Variants in ANK2 observed in about 807,000 individuals in gnomAD.
ANK2 encodes ankyrin-2.
ANK2 carries 83 observed loss-of-function variants against 360.5 expected under a neutral mutation model. The observed-to-expected ratio is 0.23, with a 90% CI of 0.19 to 0.28. The LOEUF is 0.28. Among genes scored for constraint, ANK2 ranks in the 10% least tolerant of loss-of-function variants. ANK2 has a pLI of 1.00. For synonymous variants in ANK2, 1,740 were observed against 1,759.5 expected, an observed-to-expected ratio of 0.99 and a Z score of 0.28; for missense variants, 4,201 against 4,795.7, an observed-to-expected ratio of 0.88 and a Z score of 3.66.
intron 42 of ANK2, 41 bp downstream of exon 42, chr4:113,367,892 A>G (rs1209679251): frequency 6.2e-7 from 1 of 1,610,988 alleles, no homozygotes; most frequent in Non-Finnish European, 8.5e-7. Context: ...AATACCAAAG[A>G]AACAGGCTAT....
chr4:113,234,802 T>A (rs149141794), intron 5 of ANK2, among the ~76,000 whole-genome samples: 199 of 152,366 alleles, frequency 1.3e-3, no homozygotes, highest in Non-Finnish European at 2.4e-3. Flanking sequence ...TTGAAGTTTT[T>A]AAATTTCCCA....
chr4:112,834,864 G>A (rs1370390774), intron 1 of ANK2, among the ~76,000 whole-genome samples: 1 of 152,176 alleles, frequency 6.6e-6, no homozygotes, highest in African/African-American at 2.4e-5. Flanking sequence ...TTGAGAAACT[G>A]GCTCATCTAT....
rs138330797 is a variant in ANK2 at position 113,140,703 on chromosome 4, G to T, written c.85-33713G>T. Among the ~76,000 whole-genome samples, 52 of 152,208 alleles carry T rather than the reference G, an allele frequency of 3.4e-4. No individual in the cohort carries two copies. The East Asian group carries it at 5.2e-3, about 15-fold the overall frequency. The stretch of plus-strand genomic sequence containing the variant: ...CTTTAAGAATAAATTAATCGGCCGG[G>T]CCCAGTGGCTCACACTTGTAACCCT... On this transcript the variant is annotated intron_variant, in intron 1 of 45. Transcript: ENST00000357077.
At chr4:113,320,748 C>T (rs1404213284) in intron 26 of ANK2, among the ~76,000 whole-genome samples, 2 of 152,114 alleles carry the variant, frequency 1.3e-5, no homozygotes, top group Non-Finnish European at 2.9e-5. Context: ...TGTCTACAAG[C>T]GCCAATAGTA....
intron 1 of ANK2, among the ~76,000 whole-genome samples, chr4:112,818,956 AG>A (rs1475396145): frequency 2.0e-5 from 3 of 152,196 alleles, no homozygotes; most frequent in African/African-American, 7.2e-5. Context: ...GAAATGTAAC[AG>A]ATACAGATTT....
rs751762024 is a variant in ANK2, at chr4:113,288,496, T to C, written c.2277+10T>C. ...TAACGCAAAAACCAAGGTAAAGTAC[T>C]TGTGGTCATTTTCAATTCCTATAAG... is the stretch of plus-strand genomic sequence containing the variant. On this transcript the variant is annotated intron_variant, in intron 20 of 45. Transcript: ENST00000357077. 1 of 1,608,098 alleles carries C rather than the reference T, an allele frequency of 6.2e-7. No individual in the cohort carries two copies. Among genetic ancestry groups the C allele is most frequent in the African/African-American group, 1.3e-5 (1 of 74,902 alleles).
the ANK2 span, among the ~76,000 whole-genome samples, chr4:112,773,139 A>C: frequency 2.0e-5 from 3 of 152,122 alleles, no homozygotes; most frequent in Admixed American, 6.6e-5. Context: ...GCAACATGGC[A>C]AAACCCCATC....
upstream of ANK2, among the ~76,000 whole-genome samples, chr4:112,814,031 T>C (rs766607308): frequency 2.0e-5 from 3 of 152,152 alleles, no homozygotes; most frequent in Non-Finnish European, 4.4e-5. Context: ...TTAGCTTGCA[T>C]AAAGGAAACA....
At chr4:113,121,722 A>T (rs13101559) in intron 1 of ANK2, among the ~76,000 whole-genome samples, 101,461 of 151,862 alleles carry the variant, frequency 0.67, 34,133 homozygotes, top group Non-Finnish European at 0.68. Context: ...GTAGAAAATT[A>T]AAAAAAAGCC....
chr4:112,845,438 G>T (rs11731160), intron 1 of ANK2, among the ~76,000 whole-genome samples: 45,377 of 151,830 alleles, frequency 0.3, 6,908 homozygotes, highest in East Asian at 0.35. Context: ...TCCTTAGGTT[G>T]CAATTTAAGC....
At chr4:112,813,254 C>CAAAA (rs1308553677), upstream of ANK2, among the ~76,000 whole-genome samples, 1 of 127,664 alleles carries the variant, frequency 7.8e-6, no homozygotes. Context: ...AAAAAAAAAT[C>CAAAA]AAAAAAAAAA....
At chr4:113,075,248 G>A (rs890244746) in intron 1 of ANK2, among the ~76,000 whole-genome samples, 4 of 152,152 alleles carry the variant, frequency 2.6e-5, no homozygotes, top group Admixed American at 6.5e-5. Context: ...GACTGTGAAC[G>A]ATGAATAGTG....
chr4:112,776,278 G>A, the ANK2 span, among the ~76,000 whole-genome samples: 4 of 152,272 alleles, frequency 2.6e-5, no homozygotes, highest in South Asian at 2.1e-4. Context: ...GAGAATTCTC[G>A]TATAGAAGTG....
chr4:113,134,318 A>G (rs1190085250), intron 1 of ANK2, among the ~76,000 whole-genome samples: 1 of 136,104 alleles, frequency 7.3e-6, no homozygotes, highest in East Asian at 2.2e-4. Context: ...CACTGCAACC[A>G]CAGAGAGAAC....
chr4:112,937,369 C>A (rs1330079467), intron 2 of ANK2, among the ~76,000 whole-genome samples: 1 of 150,886 alleles, frequency 6.6e-6, no homozygotes, highest in East Asian at 1.9e-4. Context: ...CTTTCTCCAC[C>A]AGGCTGGAGT....
At chr4:113,157,777 A>G (rs1407077167) in intron 1 of ANK2, among the ~76,000 whole-genome samples, 1 of 152,208 alleles carries the variant, frequency 6.6e-6, no homozygotes, top group Non-Finnish European at 1.5e-5. Flanking sequence ...GGAAGTAGTA[A>G]TGAATGGTGG....
At chr4:112,874,745 T>C (rs1244046096) in intron 1 of ANK2, among the ~76,000 whole-genome samples, 1 of 151,808 alleles carries the variant, frequency 6.6e-6, no homozygotes, top group Non-Finnish European at 1.5e-5. Context: ...GGATAAAAAT[T>C]CAACTCAGAA....
intron 1 of ANK2, among the ~76,000 whole-genome samples, chr4:113,166,625 G>A (rs141761225): frequency 1.8e-4 from 28 of 151,568 alleles, no homozygotes; most frequent in Non-Finnish European, 3.4e-4. Context: ...CTTTTTGGTA[G>A]TAATTCTCAT....
At chr4:113,239,262 A>G (rs1264616304) in intron 7 of ANK2, among the ~76,000 whole-genome samples, 3 of 152,130 alleles carry the variant, frequency 2.0e-5, no homozygotes, top group Non-Finnish European at 4.4e-5. Flanking sequence ...GTAAGAAATT[A>G]TTTGTATCTA....
Sources: gnomAD v4.1 joint callset for allele counts (sites outside exome capture counted in the v4.1 genomes callset) on GRCh38, gnomAD v4.1.1 for gene constraint, MANE v1.5 for transcripts, NCBI Gene and HGNC (gene_info 2026-07-23, HGNC 2026-07-21) for gene names.